Variants in ZNF341 observed in about 807,000 individuals in gnomAD.
ZNF341 encodes the protein zinc finger protein 341.
A neutral mutation model predicts 87.7 loss-of-function variants in ZNF341; 52 were observed. The ratio of observed to expected loss-of-function variants is 0.59; its 90% CI spans 0.47 to 0.75. ZNF341 has a LOEUF of 0.75. Ranked by LOEUF, ZNF341 falls within the 30% of genes least tolerant of loss-of-function variation. The probability of loss-of-function intolerance (pLI) is 0.00; values close to 1 mark genes in which losing one functional copy is unlikely to be tolerated. For synonymous variants in ZNF341, 459 were observed against 472.7 expected, an observed-to-expected ratio of 0.97 and a Z score of 0.38; for missense variants, 977 against 1,145.9, an observed-to-expected ratio of 0.85 and a Z score of 2.13.
chr20:33,743,828 G>A (rs374257781), intron 2 of ZNF341, among the ~76,000 whole-genome samples: 40 of 152,284 alleles, frequency 2.6e-4, no homozygotes, highest in African/African-American at 8.4e-4. Context: ...TTCAACAAAC[G>A]TCCATTGAGA....
intron 14 of ZNF341, among the ~76,000 whole-genome samples, chr20:33,790,072 A>AT (rs11470365): frequency 0.035 from 4,990 of 140,878 alleles, 250 homozygotes; most frequent in African/African-American, 0.11. Flanking sequence ...GGGCCAGATA[A>AT]TTTTTTTTTT....
At chr20:33,777,713 C>G (rs188765075) in intron 10 of ZNF341, among the ~76,000 whole-genome samples, 12 of 151,888 alleles carry the variant, frequency 7.9e-5, no homozygotes, top group African/African-American at 2.9e-4. Context: ...AGGCCTTACT[C>G]AGAATTTTCC....
chr20:33,757,126 C>T, intron 5 of ZNF341, 22 bp from the exon 6 acceptor site: 1 of 1,380,538 alleles, frequency 7.2e-7, no homozygotes, highest in Non-Finnish European at 9.5e-7. Flanking sequence ...GGGCTTTTTC[C>T]CTGACTGTGT....
chr20:33,764,207 T>A (rs1323211044), intron 8 of ZNF341, among the ~76,000 whole-genome samples: 1 of 150,154 alleles, frequency 6.7e-6, no homozygotes, highest in African/African-American at 2.4e-5. Flanking sequence ...TTTGTATTTT[T>A]AGTAGAGAAC....
intron 10 of ZNF341, among the ~76,000 whole-genome samples, chr20:33,773,399 A>G (rs2019566213): frequency 6.6e-6 from 1 of 152,170 alleles, no homozygotes. Context: ...CCTGTCCCAA[A>G]AGTAAGGCCC....
chr20:33,735,681 G>A (rs2018666610), intron 1 of ZNF341, among the ~76,000 whole-genome samples: 1 of 152,084 alleles, frequency 6.6e-6, no homozygotes, highest in Admixed American at 6.6e-5. Context: ...GCAGTTGTGG[G>A]AAATGATAAA....
chr20:33,765,660 A>G (rs947880217), intron 8 of ZNF341, among the ~76,000 whole-genome samples: 1 of 151,916 alleles, frequency 6.6e-6, no homozygotes, highest in African/African-American at 2.4e-5. Flanking sequence ...GATTATAGGA[A>G]TGAGCCATCA....
Position 33,783,659 on chromosome 20 carries a change from C to T in ZNF341, c.1720-73C>T, listed in dbSNP as rs576805117. On this transcript the variant is annotated intron_variant, in intron 11 of 14. Transcript: ENST00000375200. The stretch of plus-strand genomic sequence containing the variant: ...CTCTATAGGGGCTGGAAACGAGGAA[C>T]CTTTGAGTTCAGAAGATGGCCAGGG... The T allele has an allele frequency of 3.1e-6, 5 of 1,605,618 alleles. No homozygotes were observed. The South Asian group carries it at 3.3e-5, about 11-fold the overall frequency.
chr20:33,737,197 C>T (rs572667111), intron 1 of ZNF341, among the ~76,000 whole-genome samples: 40 of 152,182 alleles, frequency 2.6e-4, no homozygotes, highest in African/African-American at 8.9e-4. Flanking sequence ...AGGGGAATTG[C>T]GACAGAGAAA....
chr20:33,735,803 C>T (rs546500589), intron 1 of ZNF341, among the ~76,000 whole-genome samples: 1 of 152,104 alleles, frequency 6.6e-6, no homozygotes, highest in Admixed American at 6.6e-5. Context: ...CAAGGAGTTG[C>T]CCTTTTATAG....
In ZNF341 at chr20:33,792,021, G is replaced by A. The variant is rs1250430121; in HGVS notation, c.*504G>A. The A allele has an allele frequency of 6.5e-6, 1 of 154,542 alleles. No homozygotes were observed. The highest frequency in any genetic ancestry group is 1.4e-5 in the Non-Finnish European group (1 of 69,672). The allele number at this position is 154,542 out of a possible 1,614,324, so 9.6% of individuals were successfully genotyped here. A position where few individuals can be genotyped will look rare whatever the true frequency, so the allele number is the denominator to read the frequency against. On this transcript the variant is annotated 3_prime_UTR_variant, in exon 15 of 15. Coordinates refer to ENST00000375200, the MANE Select transcript of ZNF341 (RefSeq NM_001282933.2). ...TGTAGCTTTTAGGAGGCACTCAGGT[G>A]TCACGGCTAGACTGCAGCTATGAGA...
intron 9 of ZNF341, 124 bp downstream of exon 9, chr20:33,767,165 T>TC: frequency 3.5e-6 from 4 of 1,156,706 alleles, no homozygotes; most frequent in South Asian, 3.1e-5. Context: ...ACGGCTCTAT[T>TC]CCCCCCGGGT....
intron 4 of ZNF341, chr20:33,752,655 T>TC (rs1356702242): frequency 1.9e-4 from 37 of 191,316 alleles, no homozygotes; most frequent in South Asian, 8.1e-4. Flanking sequence ...TTCTTTTCTT[T>TC]TTTTTTTTTT....
rs569477866 is a variant in ZNF341, at chr20:33,791,932, C to T, written c.*415C>T. 2.2e-3 allele frequency: 400 copies of T among 179,218 alleles called. 2 individuals are homozygous for T. The highest frequency in any genetic ancestry group is 8.9e-3 in the African/African-American group (380 of 42,588). The allele number at this position is 179,218 out of a possible 1,614,324, so 11.1% of individuals were successfully genotyped here. ...TTCAGGAGGCCTGCCATAAACTCTT[C>T]GGAGTTTACGTGTTGCACCTTTTCA... On this transcript the variant is annotated 3_prime_UTR_variant, in exon 15 of 15. Coordinates refer to ENST00000375200, the MANE Select transcript of ZNF341 (RefSeq NM_001282933.2).
Position 33,777,820 on chromosome 20 carries a change from T to G in ZNF341, c.1623-3471T>G, listed in dbSNP as rs185844890. On this transcript the variant is annotated intron_variant, in intron 10 of 14. Coordinates refer to ENST00000375200, the MANE Select transcript of ZNF341 (RefSeq NM_001282933.2). ...TCAGTTGTCATGTCTCTCTCGTCTC[T>G]CTTGTGTCCTATAAGCTGGAACAGT... Among the ~76,000 whole-genome samples the G allele has an allele frequency of 7.9e-4, 120 of 152,252 alleles. 1 individual carries two copies. Among genetic ancestry groups the G allele is most frequent in the Admixed American group, 6.5e-3 (100 of 15,270 alleles).
chr20:33,733,198 C>T (rs1245646513), intron 1 of ZNF341, among the ~76,000 whole-genome samples: 1 of 150,700 alleles, frequency 6.6e-6, no homozygotes, highest in Non-Finnish European at 1.5e-5. Context: ...AGGCGTGCAC[C>T]ACCACACCCG....
chr20:33,759,054 A>G (rs1305765499), intron 7 of ZNF341, among the ~76,000 whole-genome samples: 1 of 152,190 alleles, frequency 6.6e-6, no homozygotes, highest in Non-Finnish European at 1.5e-5. Context: ...GTAGGGGAAG[A>G]AAAGCACTGA....
chr20:33,759,790 G>A (rs2019255661), intron 7 of ZNF341, among the ~76,000 whole-genome samples: 2 of 130,574 alleles, frequency 1.5e-5, no homozygotes, highest in South Asian at 2.2e-4. Context: ...GAGAGAGAGA[G>A]GGAGAGAGAG....
At chr20:33,752,471 A>G in intron 4 of ZNF341, 2 of 548,378 alleles carry the variant, frequency 3.6e-6, no homozygotes, top group Middle Eastern at 4.5e-4. Context: ...TTGATGGTGT[A>G]TTCTCAGGTC....
Sources: gnomAD v4.1 joint callset for allele counts (sites outside exome capture counted in the v4.1 genomes callset) on GRCh38, gnomAD v4.1.1 for gene constraint, MANE v1.5 for transcripts, NCBI Gene and HGNC (gene_info 2026-07-23, HGNC 2026-07-21) for gene names.